Variants in KCNMA1 observed in about 807,000 individuals in gnomAD.
KCNMA1 encodes the protein Calcium-activated potassium channel subunit alpha-1.
KCNMA1 carries 29 observed loss-of-function variants against 140.0 expected under a neutral mutation model. The observed-to-expected ratio is 0.21, with a 90% CI of 0.15 to 0.28. KCNMA1 has a LOEUF of 0.28. Among genes scored for constraint, KCNMA1 ranks in the 10% least tolerant of loss-of-function variants. The pLI is 1.00. For missense variants in KCNMA1, 880 were observed against 1,602.2 expected (o/e 0.55, Z 7.70); for synonymous variants, 612 against 611.9 (o/e 1.00, Z 0.00).
At chr10:76,961,695 A>AC (rs1224052363) in intron 20 of KCNMA1, among the ~76,000 whole-genome samples, 1 of 151,854 alleles carries the variant, frequency 6.6e-6, no homozygotes, top group African/African-American at 2.4e-5. Context: ...TTCAGCTACC[A>AC]CCCCCCGATC....
intron 1 of KCNMA1, among the ~76,000 whole-genome samples, chr10:77,590,060 T>A (rs1397264077): frequency 6.6e-6 from 1 of 152,208 alleles, no homozygotes; most frequent in East Asian, 1.9e-4. Flanking sequence ...GAGTGTCCAC[T>A]GGTGCATTCA....
Position 77,615,687 on chromosome 10 carries a change from C to T in KCNMA1, c.378+21578G>A, listed in dbSNP as rs150434048. 6.4e-4 allele frequency among the ~76,000 whole-genome samples: 97 copies of T among 152,162 alleles called. No homozygotes were observed. The East Asian group carries it at 0.015, about 23-fold the overall frequency. On this transcript the variant is annotated intron_variant, in intron 1 of 27. Coordinates refer to ENST00000286628, the MANE Select transcript of KCNMA1 (RefSeq NM_001161352.2). ...TTCCTATAGTGGTATAGGGGTGTGC[C>T]GTGGGTGATGAGAGGCAGAGGGAAG... is the stretch of plus-strand genomic sequence containing the variant.
chr10:77,095,124 G>C (rs1035456048), intron 9 of KCNMA1, among the ~76,000 whole-genome samples: 2 of 152,208 alleles, frequency 1.3e-5, no homozygotes, highest in African/African-American at 4.8e-5. Context: ...GTTCAGCTAT[G>C]AGAGTAGCTA....
At chr10:77,123,020 AC>A (rs1789989849) in intron 5 of KCNMA1, among the ~76,000 whole-genome samples, 1 of 148,144 alleles carries the variant, frequency 6.8e-6, no homozygotes, top group African/African-American at 2.5e-5. Flanking sequence ...CTACTAAAAA[AC>A]ACAAAAAAAT....
intron 3 of KCNMA1, among the ~76,000 whole-genome samples, chr10:77,213,601 T>A (rs774588342): frequency 1.7e-4 from 26 of 152,180 alleles, no homozygotes; most frequent in Non-Finnish European, 3.8e-4. Context: ...GATTATGGCC[T>A]GGGACATAGC....
chr10:77,241,377 C>T (rs1222714228), intron 3 of KCNMA1, among the ~76,000 whole-genome samples: 2 of 152,158 alleles, frequency 1.3e-5, no homozygotes, highest in Non-Finnish European at 2.9e-5. Context: ...GGCACAGTGG[C>T]TCACGCCTGC....
chr10:77,343,748 T>G (rs287172), intron 2 of KCNMA1, among the ~76,000 whole-genome samples: 127,312 of 152,196 alleles, frequency 0.84, 53,406 homozygotes, highest in Middle Eastern at 0.9. Context: ...AAAAGGTAAG[T>G]AAGTTATTTT....
At chr10:76,911,294 A>G (rs1050955085) in intron 24 of KCNMA1, 1 of 152,188 alleles carries the variant, frequency 6.6e-6, no homozygotes, top group Admixed American at 6.5e-5. Flanking sequence ...TTAAAATGAC[A>G]TCATCTTGTT....
intron 15 of KCNMA1, among the ~76,000 whole-genome samples, chr10:77,031,464 C>T (rs919784965): frequency 6.6e-6 from 1 of 152,188 alleles, no homozygotes; most frequent in Non-Finnish European, 1.5e-5. Context: ...ACTGCCTGAA[C>T]CCTATAGGTA....
At chr10:76,900,893 TG>T (rs2044946979) in intron 25 of KCNMA1, among the ~76,000 whole-genome samples, 2 of 60,634 alleles carry the variant, frequency 3.3e-5, no homozygotes, top group South Asian at 3.5e-4. Flanking sequence ...TGTCCCTATT[TG>T]TTAAAAAAAA....
At chr10:76,905,216 T>A (rs2152285734) in intron 25 of KCNMA1, 1 of 152,356 alleles carries the variant, frequency 6.6e-6, no homozygotes, top group South Asian at 2.1e-4. Flanking sequence ...AAACAAGATA[T>A]CAAGCCAAGT....
chr10:77,093,250 T>C (rs2096856433), intron 9 of KCNMA1, among the ~76,000 whole-genome samples: 1 of 152,264 alleles, frequency 6.6e-6, no homozygotes, highest in Admixed American at 6.5e-5. Context: ...TTCAACGTAA[T>C]TGGTATTTTT....
intron 2 of KCNMA1, among the ~76,000 whole-genome samples, chr10:77,251,690 A>G (rs534029971): frequency 9.2e-5 from 14 of 152,288 alleles, no homozygotes; most frequent in African/African-American, 3.4e-4. Context: ...TAATTTACAT[A>G]CCACAATATT....
At chr10:77,141,216 C>T (rs2098161450) in intron 5 of KCNMA1, among the ~76,000 whole-genome samples, 1 of 152,100 alleles carries the variant, frequency 6.6e-6, no homozygotes, top group African/African-American at 2.4e-5. Flanking sequence ...CCTTGGCCCA[C>T]CCCCTGCTTC....
intron 2 of KCNMA1, among the ~76,000 whole-genome samples, chr10:77,321,201 T>C (rs1320237059): frequency 6.6e-6 from 1 of 152,252 alleles, no homozygotes; most frequent in South Asian, 2.1e-4. Context: ...CAGATCATAA[T>C]GGACAGAAGG....
At position 77,112,538 on chromosome 10, in the gene KCNMA1, G is replaced by A. The variant is rs1401226881; in HGVS notation, c.885-96C>T. 4 of 826,314 alleles carry A rather than the reference G, an allele frequency of 4.8e-6. No individual in the cohort carries two copies. In the Admixed American group the frequency reaches 7.5e-5, roughly 16 times the overall value. The allele number at this position is 826,314 out of a possible 1,614,324, so 51.2% of individuals were successfully genotyped here. ...TAACAGCACCCGCTTAGCAGGAGAG[G>A]CTGCCACATCTAACTCCCAACCATT... On this transcript the variant is annotated intron_variant, in intron 6 of 27. Coordinates refer to ENST00000286628, the MANE Select transcript of KCNMA1 (RefSeq NM_001161352.2).
intron 2 of KCNMA1, among the ~76,000 whole-genome samples, chr10:77,356,301 C>A (rs565070065): frequency 6.6e-6 from 1 of 152,096 alleles, no homozygotes; most frequent in Non-Finnish European, 1.5e-5. Context: ...ATATCAATAA[C>A]GGAAGCTACA....
At chr10:77,298,224 T>G (rs1263402058) in intron 2 of KCNMA1, among the ~76,000 whole-genome samples, 2 of 152,098 alleles carry the variant, frequency 1.3e-5, no homozygotes, top group Non-Finnish European at 2.9e-5. Flanking sequence ...CCTTCAGAAA[T>G]ACCTGGGGAG....
At chr10:77,466,929 AG>A (rs201450285) in intron 1 of KCNMA1, among the ~76,000 whole-genome samples, 1 of 73,598 alleles carries the variant, frequency 1.4e-5, no homozygotes, top group Non-Finnish European at 2.7e-5. Flanking sequence ...AAAGGGAGGG[AG>A]GGGGGAAAGG....
Sources: allele counts gnomAD v4.1 joint callset (sites outside exome capture counted in the v4.1 genomes callset), GRCh38; gene constraint gnomAD v4.1.1; transcripts MANE v1.5; gene names NCBI Gene and HGNC (gene_info 2026-07-23, HGNC 2026-07-21).